Variants in DAB1 observed in about 807,000 individuals in gnomAD.
The protein encoded by DAB1 is disabled homolog 1.
A neutral mutation model predicts 64.6 loss-of-function variants in DAB1; 15 were observed. The observed-to-expected ratio is 0.23, with a 90% confidence interval of 0.16 to 0.36. DAB1 has a LOEUF of 0.36. Among genes scored for constraint, DAB1 ranks in the 10% least tolerant of loss-of-function variants. DAB1 has a pLI of 1.00. For missense variants in DAB1, 596 were observed against 706.7 expected (o/e 0.84, Z 1.78); for synonymous variants, 235 against 251.9 (o/e 0.93, Z 0.64).
chr1:57,184,571 T>C (rs1173664430), intron 2 of DAB1, among the ~76,000 whole-genome samples: 3 of 152,122 alleles, frequency 2.0e-5, no homozygotes, highest in Non-Finnish European at 4.4e-5. Context: ...TTACCAAAAA[T>C]AAGAACTGCT....
At chr1:57,095,760 A>C (rs1442529377) in intron 4 of DAB1, among the ~76,000 whole-genome samples, 1 of 152,192 alleles carries the variant, frequency 6.6e-6, no homozygotes, top group African/African-American at 2.4e-5. Context: ...GTGGGAAGTA[A>C]GGTGGAACCA....
In DAB1 at chr1:57,240,243, C is replaced by A. The variant is rs12567335; in HGVS notation, c.67+50721G>T. Among the ~76,000 whole-genome samples the A allele has an allele frequency of 7.6e-3, 1,159 of 152,142 alleles. 31 individuals carry two copies. In the East Asian group the frequency reaches 0.08, roughly 11 times the overall value. On this transcript the variant is annotated intron_variant, in intron 2 of 14. Coordinates refer to ENST00000371236, the MANE Select transcript of DAB1 (RefSeq NM_001365792.1). ...ATAAACATAAGGAAAAGGCTCTTCC[C>A]TAAGGAAATGAGAATCTGATTAGGG...
intron 2 of DAB1, among the ~76,000 whole-genome samples, chr1:57,151,141 G>A (rs1659632973): frequency 6.6e-6 from 1 of 152,120 alleles, no homozygotes; most frequent in Admixed American, 6.5e-5. Flanking sequence ...GAAGCATCTT[G>A]GAAGCCAAGT....
chr1:58,452,241 T>C (rs906186286), intron 3 of DAB1, among the ~76,000 whole-genome samples: 1 of 150,774 alleles, frequency 6.6e-6, no homozygotes, highest in Middle Eastern at 3.2e-3. Context: ...GCCTGCATCC[T>C]TTTTTTTTAA....
chr1:58,453,636 C>CT (rs1328862804), intron 3 of DAB1, among the ~76,000 whole-genome samples: 1 of 152,216 alleles, frequency 6.6e-6, no homozygotes, highest in Non-Finnish European at 1.5e-5. Context: ...CCTTGATGCG[C>CT]TGGGGATGCC....
At chr1:58,108,095 G>A (rs191394631) in intron 5 of DAB1, among the ~76,000 whole-genome samples, 1 of 152,316 alleles carries the variant, frequency 6.6e-6, no homozygotes, top group Non-Finnish European at 1.5e-5. Flanking sequence ...CAGCACTGGT[G>A]AGAAATTGAG....
chr1:57,874,297 T>C (rs1644006592), intron 1 of DAB1: 1 of 152,162 alleles, frequency 6.6e-6, no homozygotes, highest in Non-Finnish European at 1.5e-5. Context: ...GTGTGTCTTG[T>C]TAAGTTTCTT....
chr1:57,350,896 T>A (rs1432988509), intron 1 of DAB1, among the ~76,000 whole-genome samples: 1 of 152,168 alleles, frequency 6.6e-6, no homozygotes, highest in Non-Finnish European at 1.5e-5. Context: ...ACCAGAGATA[T>A]ACTGAGCACG....
At chr1:57,852,849 G>A (rs1653592893) in intron 1 of DAB1, among the ~76,000 whole-genome samples, 1 of 151,918 alleles carries the variant, frequency 6.6e-6, no homozygotes, top group Admixed American at 6.6e-5. Flanking sequence ...ACTCTATGAG[G>A]GTAGAGAATA....
At position 57,505,990 on chromosome 1, in the gene DAB1, C is replaced by T. The variant is rs140691128; in HGVS notation, n.625+143602G>A. Among the ~76,000 whole-genome samples the T allele has an allele frequency of 2.1e-3, 324 of 152,308 alleles. 3 individuals carry two copies. The highest frequency in any genetic ancestry group is 0.014 in the Middle Eastern group (4 of 294). On this transcript the variant is annotated intron_variant and non_coding_transcript_variant, in intron 7 of 20. Transcript: ENST00000485760. ...CTGGCTAACTTCTTAATTTCTTAAG[C>T]AACTTCCTCTTCCACTCTAAAAAAT...
chr1:57,637,499 A>G (rs1646071518), intron 7 of DAB1, among the ~76,000 whole-genome samples: 1 of 152,174 alleles, frequency 6.6e-6, no homozygotes. Context: ...AGCTGAGGTC[A>G]TCATGCAGTC....
chr1:58,127,564 G>A (rs1451332457), intron 5 of DAB1, among the ~76,000 whole-genome samples: 2 of 152,184 alleles, frequency 1.3e-5, no homozygotes, highest in East Asian at 3.9e-4. Context: ...TAATGCCTAG[G>A]TTTTCTTCTA....
upstream of DAB1, among the ~76,000 whole-genome samples, chr1:57,426,162 C>T (rs1685277130): frequency 2.0e-5 from 3 of 152,152 alleles, 1 homozygote; most frequent in South Asian, 4.2e-4. Flanking sequence ...CTTATAAAAC[C>T]TGCCGCCTTC....
intron 2 of DAB1, among the ~76,000 whole-genome samples, chr1:58,514,577 C>T (rs1189500913): frequency 6.6e-6 from 1 of 152,132 alleles, no homozygotes; most frequent in Non-Finnish European, 1.5e-5. Context: ...CATTAACACC[C>T]TACACTTGTC....
chr1:58,247,772 C>T (rs1422278683), intron 4 of DAB1, among the ~76,000 whole-genome samples: 1 of 151,084 alleles, frequency 6.6e-6, no homozygotes, highest in East Asian at 1.9e-4. Flanking sequence ...CTCCCTTCTC[C>T]TCACCACCAC....
chr1:57,698,047 C>T (rs1646865243), intron 6 of DAB1, among the ~76,000 whole-genome samples: 1 of 151,838 alleles, frequency 6.6e-6, no homozygotes, highest in Non-Finnish European at 1.5e-5. Flanking sequence ...GGTCTCCTTG[C>T]CTTACATCTG....
At chr1:57,416,857 GT>G (rs1475918002) in intron 1 of DAB1, among the ~76,000 whole-genome samples, 10 of 152,192 alleles carry the variant, frequency 6.6e-5, no homozygotes, top group Admixed American at 2.0e-4. Context: ...TCCCTAAGTA[GT>G]TCATAAATGT....
intron 6 of DAB1, among the ~76,000 whole-genome samples, chr1:57,789,801 T>G (rs539088560): frequency 1.3e-5 from 2 of 152,268 alleles, no homozygotes; most frequent in East Asian, 3.9e-4. Flanking sequence ...TTATCTGTGG[T>G]TCAGAAGTCA....
chr1:57,903,690 T>C (rs11800164), intron 5 of DAB1, among the ~76,000 whole-genome samples: 2,202 of 152,318 alleles, frequency 0.014, 38 homozygotes, highest in African/African-American at 0.042. Context: ...ACTTGAGGGA[T>C]GATGTCACGT....
Sources: allele counts gnomAD v4.1 joint callset (sites outside exome capture counted in the v4.1 genomes callset), GRCh38; gene constraint gnomAD v4.1.1; transcripts MANE v1.5; gene names NCBI Gene and HGNC (gene_info 2026-07-23, HGNC 2026-07-21).